Variants in NAV1 observed in about 807,000 individuals in gnomAD.
The protein encoded by NAV1 is pore membrane and/or filament interacting like protein 3.
A neutral mutation model predicts 175.2 loss-of-function variants in NAV1; 18 were observed. The ratio of observed to expected loss-of-function variants is 0.10; its 90% CI spans 0.07 to 0.15. The LOEUF (loss-of-function observed/expected upper bound fraction) is 0.15. Among genes scored for constraint, NAV1 ranks in the 10% least tolerant of loss-of-function variants. NAV1 has a pLI of 1.00. For synonymous variants in NAV1, 897 were observed against 978.7 expected, an observed-to-expected ratio of 0.92 and a Z score of 1.56; for missense variants, 1,731 against 2,436.6, an observed-to-expected ratio of 0.71 and a Z score of 6.10.
At position 201,540,979 on chromosome 1, in the gene NAV1, AAG is replaced by A. The variant is rs1665496821; in HGVS notation, c.-144+1641_-144+1642del. ...TCTATTTCCTGAACTTTCCAGGTGAAAGAGAACACCAGGTGAAAGAGAACACC... is the reference window on the plus strand; with the variant it reads ...TCTATTTCCTGAACTTTCCAGGTGAAAGAACACCAGGTGAAAGAGAACACC... On this transcript the variant is annotated intron_variant, in intron 1 of 33. Coordinates refer to the NAV1 transcript ENST00000685211. Among the ~76,000 whole-genome samples, 4 of 152,116 alleles carry A rather than the reference AAG, an allele frequency of 2.6e-5. No homozygotes were observed. The South Asian group carries it at 8.3e-4, about 32-fold the overall frequency.
intron 17 of NAV1, among the ~76,000 whole-genome samples, chr1:201,806,732 G>T (rs965397394): frequency 6.6e-6 from 1 of 152,200 alleles, no homozygotes; most frequent in East Asian, 1.9e-4. Context: ...TGACTGCTCA[G>T]TGATAAGAAG....
intron 1 of NAV1, among the ~76,000 whole-genome samples, chr1:201,705,306 T>C (rs1466471729): frequency 6.6e-6 from 1 of 152,232 alleles, no homozygotes; most frequent in Non-Finnish European, 1.5e-5. Context: ...CCGTGCATGC[T>C]CCTCTCTCTG....
At chr1:201,804,521 C>G (rs1376824483) in intron 17 of NAV1, 24 bp downstream of exon 21, 3 of 1,540,348 alleles carry the variant, frequency 1.9e-6, no homozygotes, top group African/African-American at 1.4e-5. Flanking sequence ...TTCCTATCCC[C>G]TTATTTTCTC....
chr1:201,624,507 C>G (rs1668272683), intron 1 of NAV1, among the ~76,000 whole-genome samples: 1 of 151,748 alleles, frequency 6.6e-6, no homozygotes, highest in South Asian at 2.1e-4. Context: ...CCACACCTGG[C>G]TAATTTTTTT....
chr1:201,774,389 G>A (rs1675802365), intron 3 of NAV1, among the ~76,000 whole-genome samples: 1 of 152,138 alleles, frequency 6.6e-6, no homozygotes, highest in African/African-American at 2.4e-5. Context: ...TGTAAAATTT[G>A]CAAACTCTTC....
rs944335888 is a variant in NAV1 at position 201,813,929 on chromosome 1, C to T, written c.5340+671C>T. Among the ~76,000 whole-genome samples, 15 of 151,960 alleles carry T rather than the reference C, an allele frequency of 9.9e-5. No homozygotes were observed. The highest frequency in any genetic ancestry group is 3.6e-4 in the African/African-American group (15 of 41,370). ...AAAATTAGCCAGACGTGGTGGTGGG[C>T]GCCTGCAGTCCCAGCTACTTGGAAG... On this transcript the variant is annotated intron_variant, in intron 28 of 29. Transcript: ENST00000367296. The surrounding 1 kb of genome is among the most constrained non-coding windows in gnomAD (Gnocchi z 4.2).
rs1571499711 is a variant in NAV1, at chr1:201,793,985, C to T, written c.3405+110C>T. On this transcript the variant is annotated intron_variant, in intron 14 of 29. Coordinates refer to ENST00000367296, the Ensembl canonical transcript of NAV1. The stretch of plus-strand genomic sequence containing the variant: ...TTGCTCATGAATGCCAGTTTCTCCC[C>T]ACCTCACTGTCACCCTGGATTCTCA... 5 of 872,048 alleles carry T rather than the reference C, an allele frequency of 5.7e-6. No individual in the cohort carries two copies. The East Asian group carries it at 1.0e-4, about 18-fold the overall frequency. The allele number at this position is 872,048 out of a possible 1,614,324, so 54.0% of individuals were successfully genotyped here.
At chr1:201,803,672 C>T (rs138663326) in exon 16 of NAV1, 72 of 1,613,330 alleles carry the variant, frequency 4.5e-5, no homozygotes, top group Non-Finnish European at 5.9e-5. Context: ...GCATCGGCAG[C>T]AGCAAGGATG....
chr1:201,727,279 A>G (rs1304028483), intron 3 of NAV1, among the ~76,000 whole-genome samples: 1 of 152,214 alleles, frequency 6.6e-6, no homozygotes, highest in Non-Finnish European at 1.5e-5. Context: ...TTGACAAAGA[A>G]TGTATTAACC....
chr1:201,625,198 T>C (rs1274388936), intron 1 of NAV1, among the ~76,000 whole-genome samples: 1 of 152,186 alleles, frequency 6.6e-6, no homozygotes, highest in Non-Finnish European at 1.5e-5. Context: ...TGAAAGGAAC[T>C]GAAGAAGTTT....
exon 2 of NAV1, chr1:201,629,480 G>T (rs1375710898): frequency 7.7e-7 from 1 of 1,304,146 alleles, no homozygotes; most frequent in Non-Finnish European, 1.0e-6. Context: ...GCCCCTCCAT[G>T]AGACTGAGGA....
chr1:201,604,201 T>A (rs1667604623), intron 2 of NAV1, among the ~76,000 whole-genome samples: 1 of 152,168 alleles, frequency 6.6e-6, no homozygotes, highest in South Asian at 2.1e-4. Flanking sequence ...ACTAAAGGCA[T>A]GTGGCACCAC....
Position 201,802,457 on chromosome 1 carries a change from TAAAAAAAA to T in NAV1, c.3518-1124_3518-1117del, listed in dbSNP as rs34494216. On this transcript the variant is annotated intron_variant, in intron 15 of 29. Coordinates refer to ENST00000367296, the Ensembl canonical transcript of NAV1. ...GCAACACAGCAAGACCCTGTCTCATTAAAAAAAAAAAAAAAAAAAGAAAGAAAGAAAAG... is the reference window on the plus strand; with the variant it reads ...GCAACACAGCAAGACCCTGTCTCATTAAAAAAAAAAAGAAAGAAAGAAAAG... Among the ~76,000 whole-genome samples the T allele has an allele frequency of 2.3e-3, 234 of 101,090 alleles. 1 individual carries two copies. Among genetic ancestry groups the T allele is most frequent in the African/African-American group, 8.9e-3 (219 of 24,538 alleles). The allele number at this position is 101,090 out of a possible 152,430, so 66.3% of individuals were successfully genotyped here.
At chr1:201,704,828 A>T (rs1671597989) in intron 1 of NAV1, among the ~76,000 whole-genome samples, 1 of 152,134 alleles carries the variant, frequency 6.6e-6, no homozygotes, top group Admixed American at 6.5e-5. Context: ...CCAAGTACAA[A>T]ACCATAGAAC....
At chr1:201,668,684 G>A (rs1440389335) in intron 1 of NAV1, among the ~76,000 whole-genome samples, 7 of 152,142 alleles carry the variant, frequency 4.6e-5, no homozygotes, top group Non-Finnish European at 8.8e-5. Flanking sequence ...GAAGGCTGCC[G>A]AGAGCCACCT....
At chr1:201,767,345 G>A (rs550259644) in intron 3 of NAV1, among the ~76,000 whole-genome samples, 1 of 151,926 alleles carries the variant, frequency 6.6e-6, no homozygotes, top group South Asian at 2.1e-4. Context: ...CAGCTACTTG[G>A]GAGGCTGAGG....
At position 201,807,670 on chromosome 1, in the gene NAV1, CCTTTCTTT is replaced by C. The variant is rs906480839; in HGVS notation, c.3649-270_3649-263del. On this transcript the variant is annotated intron_variant, in intron 17 of 29. Coordinates refer to ENST00000367296, the Ensembl canonical transcript of NAV1. This position sits in a 1 kb window ranked among gnomAD's most constrained non-coding sequence, Gnocchi z 5.4. Reference sequence around the variant, plus strand: ...CTGTTCTTTCTCTTGGTCCTAATTTCCTTTCTTTCTTTCTTTCTTTTGAGATGGAGTCT... The same window carrying C: ...CTGTTCTTTCTCTTGGTCCTAATTTCCTTTCTTTCTTTTGAGATGGAGTCT... Among the ~76,000 whole-genome samples, 1 of 151,998 alleles carries C rather than the reference CCTTTCTTT, an allele frequency of 6.6e-6. No individual in the cohort carries two copies. Among genetic ancestry groups the C allele is most frequent in the Non-Finnish European group, 1.5e-5 (1 of 67,988 alleles).
intron 3 of NAV1, among the ~76,000 whole-genome samples, chr1:201,732,704 T>A (rs1672914017): frequency 6.6e-6 from 1 of 152,248 alleles, no homozygotes; most frequent in Non-Finnish European, 1.5e-5. Flanking sequence ...CAAACACTTG[T>A]AGACCACTTA....
chr1:201,720,391 G>C (rs980179832), intron 3 of NAV1, among the ~76,000 whole-genome samples: 1 of 152,170 alleles, frequency 6.6e-6, no homozygotes, highest in African/African-American at 2.4e-5. Flanking sequence ...TAGGACCCCT[G>C]CCCAGCACAG....
Sources: gnomAD v4.1 joint callset for allele counts (sites outside exome capture counted in the v4.1 genomes callset) on GRCh38, gnomAD v4.1.1 for gene constraint, Gnocchi (gnomAD v3.1) non-coding constraint, MANE v1.5 for transcripts, NCBI Gene and HGNC (gene_info 2026-07-23, HGNC 2026-07-21) for gene names.